ULK4: variants seen among roughly 807,000 people sequenced by gnomAD.
The protein encoded by ULK4 is unc-51 like kinase 4.
Under a neutral mutation model 160.6 loss-of-function variants are expected in ULK4, and 133 were observed. That is an observed-to-expected ratio of 0.83 (90% CI 0.72 to 0.96). The LOEUF (loss-of-function observed/expected upper bound fraction) is 0.96, where lower values mean the gene tolerates loss of function less well. Ranked by LOEUF, ULK4 falls within the 40% of genes least tolerant of loss-of-function variation. The pLI is 0.00. For missense variants in ULK4, 1,580 were observed against 1,499.5 expected (o/e 1.05, Z -0.89); for synonymous variants, 534 against 539.8 (o/e 0.99, Z 0.15).
chr3:41,852,236 C>T (rs2042234312), intron 17 of ULK4, among the ~76,000 whole-genome samples: 1 of 152,050 alleles, frequency 6.6e-6, no homozygotes, highest in South Asian at 2.1e-4. Context: ...GAAATTGAGG[C>T]AATAATTAAT....
intron 34 of ULK4, among the ~76,000 whole-genome samples, chr3:41,431,547 C>CATTTTTTTTTTTTTTTTTTTTTTTTTT (rs563543377): frequency 2.1e-5 from 2 of 95,866 alleles, no homozygotes; most frequent in African/African-American, 4.2e-5. Context: ...AATTCCCTCC[C>CATTTTTTTTTTTTTTTTTTTTTTTTTT]TTTTTTTTTT....
chr3:41,312,706 G>T (rs2080074667), intron 35 of ULK4, among the ~76,000 whole-genome samples: 1 of 152,092 alleles, frequency 6.6e-6, no homozygotes, highest in African/African-American at 2.4e-5. Flanking sequence ...TACTTAAGAG[G>T]CTGAGGTGGA....
intron 32 of ULK4, among the ~76,000 whole-genome samples, chr3:41,529,572 C>G (rs1459902065): frequency 6.6e-6 from 1 of 152,154 alleles, no homozygotes; most frequent in Non-Finnish European, 1.5e-5. Context: ...GCAACCTCTG[C>G]CTCCCAGGTC....
chr3:41,844,224 C>T (rs991307283), intron 17 of ULK4, among the ~76,000 whole-genome samples: 51 of 152,206 alleles, frequency 3.4e-4, no homozygotes, highest in Admixed American at 3.0e-3. Flanking sequence ...CAGGGGGCGG[C>T]GCTCGCTGGG....
chr3:41,384,559 A>T (rs2081755381), intron 35 of ULK4, among the ~76,000 whole-genome samples: 1 of 152,148 alleles, frequency 6.6e-6, no homozygotes, highest in African/African-American at 2.4e-5. Flanking sequence ...GGGTGCGTTC[A>T]GGGTGGTATG....
chr3:41,759,319 A>G (rs1297683614), intron 21 of ULK4, among the ~76,000 whole-genome samples: 7 of 152,232 alleles, frequency 4.6e-5, no homozygotes, highest in Non-Finnish European at 8.8e-5. Flanking sequence ...AAAATCTGGT[A>G]TATTTCAACA....
At chr3:41,376,581 C>T (rs371738010) in intron 35 of ULK4, among the ~76,000 whole-genome samples, 1 of 149,620 alleles carries the variant, frequency 6.7e-6, no homozygotes, top group Non-Finnish European at 1.5e-5. Context: ...ACACCAATAA[C>T]AGACAAACAG....
rs753376532 is a variant in ULK4, at chr3:41,463,079, T to C, written c.3393+8A>G. On this transcript the variant is annotated splice_region_variant and intron_variant, in intron 33 of 36. Coordinates refer to ENST00000301831, the MANE Select transcript of ULK4 (RefSeq NM_017886.4). ...GCTGCTCAAGACACAGGAAAACAGATCCTCTACCTGCAAAGCCAGCCGTAC... is the reference window on the plus strand; with the variant it reads ...GCTGCTCAAGACACAGGAAAACAGACCCTCTACCTGCAAAGCCAGCCGTAC... 5.6e-6 allele frequency: 9 copies of C among 1,611,622 alleles called. No homozygotes were observed.
chr3:41,546,282 A>G (rs2086859374), intron 32 of ULK4, among the ~76,000 whole-genome samples: 2 of 151,998 alleles, frequency 1.3e-5, no homozygotes, highest in South Asian at 2.1e-4. Flanking sequence ...TGACCCCAAA[A>G]TGCTTAGTTT....
intron 31 of ULK4, among the ~76,000 whole-genome samples, chr3:41,593,899 G>A (rs75057445): frequency 1.3e-5 from 2 of 151,854 alleles, no homozygotes; most frequent in African/African-American, 4.8e-5. Flanking sequence ...CAGGTATCAC[G>A]GCATGTATCT....
chr3:41,723,823 C>A (rs2037555201), intron 22 of ULK4, among the ~76,000 whole-genome samples: 1 of 152,202 alleles, frequency 6.6e-6, no homozygotes, highest in Admixed American at 6.5e-5. Context: ...ACTTCATCTC[C>A]CTTAGCCCAG....
At chr3:41,644,257 C>T (rs1249772452) in intron 30 of ULK4, among the ~76,000 whole-genome samples, 9 of 151,970 alleles carry the variant, frequency 5.9e-5, no homozygotes, top group Non-Finnish European at 1.3e-4. Flanking sequence ...GAGAGGGCAT[C>T]CCTGTCTTGT....
At chr3:41,431,951 G>C (rs1012601404) in intron 34 of ULK4, among the ~76,000 whole-genome samples, 1 of 151,590 alleles carries the variant, frequency 6.6e-6, no homozygotes, top group Non-Finnish European at 1.5e-5. Flanking sequence ...CACCACGCCC[G>C]GCTAATTTTT....
chr3:41,638,383 C>G (rs1051250972), intron 30 of ULK4, among the ~76,000 whole-genome samples: 1 of 152,064 alleles, frequency 6.6e-6, no homozygotes, highest in Admixed American at 6.6e-5. Context: ...ATCCTGTAAA[C>G]AACTGAGTTG....
chr3:41,673,456 T>C (rs1299708498), intron 29 of ULK4, among the ~76,000 whole-genome samples: 3 of 152,148 alleles, frequency 2.0e-5, no homozygotes, highest in Non-Finnish European at 1.5e-5. Context: ...TTCTAATTTG[T>C]AAGGAATATA....
intron 8 of ULK4, chr3:41,914,877 G>C (rs1186493198): frequency 6.6e-6 from 1 of 152,184 alleles, no homozygotes; most frequent in Non-Finnish European, 1.5e-5. Context: ...AATTAGCTGA[G>C]GATGGTGGCA....
At chr3:41,295,193 G>GCCC (rs1191362810) in intron 35 of ULK4, among the ~76,000 whole-genome samples, 13 of 75,848 alleles carry the variant, frequency 1.7e-4, no homozygotes, top group South Asian at 4.7e-4. Context: ...CAAAACAATG[G>GCCC]AGCAAACATA....
At chr3:41,346,781 TTCTA>T (rs1231613115) in intron 35 of ULK4, among the ~76,000 whole-genome samples, 3 of 152,216 alleles carry the variant, frequency 2.0e-5, no homozygotes, top group African/African-American at 7.2e-5. Context: ...AGCAGAGATA[TTCTA>T]TCTTTGAGCT....
Position 41,316,924 on chromosome 3 carries a change from C to G in ULK4, c.3679-67350G>C, listed in dbSNP as rs554396537. 4.6e-4 allele frequency among the ~76,000 whole-genome samples: 70 copies of G among 152,200 alleles called. 1 individual carries two copies. Among genetic ancestry groups the G allele is most frequent in the African/African-American group, 1.7e-3 (69 of 41,530 alleles). On this transcript the variant is annotated intron_variant, in intron 35 of 36. Transcript: ENST00000301831. ...AGTTAACATCTTCAAATATTTCCCT[C>G]TAGACTTTTGCTCTCTATTCACATA...
Sources: gnomAD v4.1 joint callset for allele counts (sites outside exome capture counted in the v4.1 genomes callset) on GRCh38, gnomAD v4.1.1 for gene constraint, MANE v1.5 for transcripts, NCBI Gene and HGNC (gene_info 2026-07-23, HGNC 2026-07-21) for gene names.